Variants in XCL1 observed in about 807,000 individuals in gnomAD.
The protein encoded by XCL1 is X-C motif chemokine ligand 1.
In XCL1, 6 loss-of-function variants were observed where a neutral mutation model predicts 7.4. The observed-to-expected ratio is 0.82, with a 90% CI of 0.45 to 1.61. The LOEUF (loss-of-function observed/expected upper bound fraction) is 1.61, where lower values mean the gene tolerates loss of function less well. Ranked by LOEUF, XCL1 falls within the 40% of genes most tolerant of loss-of-function variation. The pLI is 0.01. For synonymous variants in XCL1, 48 were observed against 52.4 expected, an observed-to-expected ratio of 0.92 and a Z score of 0.36; for missense variants, 122 against 138.2, an observed-to-expected ratio of 0.88 and a Z score of 0.59.
chr1:168,580,842 A>G (rs1463516270), intron 2 of XCL1, among the ~76,000 whole-genome samples: 1 of 152,148 alleles, frequency 6.6e-6, no homozygotes, highest in Admixed American at 6.6e-5. Flanking sequence ...ATTGTGAACA[A>G]AGGGGCTGGA....
At chr1:168,577,947 C>G (rs1208776327) in intron 1 of XCL1, among the ~76,000 whole-genome samples, 1 of 152,108 alleles carries the variant, frequency 6.6e-6, no homozygotes, top group Non-Finnish European at 1.5e-5. Context: ...AATTTTGCAA[C>G]CTGAGTGAAG....
At chr1:168,578,246 A>G (rs2101835738) in intron 1 of XCL1, among the ~76,000 whole-genome samples, 1 of 152,312 alleles carries the variant, frequency 6.6e-6, no homozygotes, top group East Asian at 1.9e-4. Flanking sequence ...AAAGCACACA[A>G]TGAACACTCT....
At chr1:168,577,045 A>G (rs903797265) in intron 1 of XCL1, among the ~76,000 whole-genome samples, 7 of 152,244 alleles carry the variant, frequency 4.6e-5, no homozygotes, top group Non-Finnish European at 1.0e-4. Context: ...TTATTTAATA[A>G]CATCAGATTT....
At position 168,581,214 on chromosome 1, in the gene XCL1, TG is replaced by T; in HGVS notation, c.341del (p.Gly114AlafsTer35). 1.2e-6 allele frequency: 2 copies of T among 1,613,498 alleles called. No individual in the cohort carries two copies. Among genetic ancestry groups the T allele is most frequent in the Non-Finnish European group, 1.7e-6 (2 of 1,179,600 alleles). ...QSTNTAVTLT[G>X] ...CGACCAATACAGCTGTGACTCTGAC[TG>T]GCTAGTAGTCTCTGGCACCCTGTCC... is the stretch of plus-strand genomic sequence containing the variant. On this transcript the variant is annotated frameshift_variant, in exon 3 of 3. Coordinates refer to ENST00000367818, the MANE Select transcript of XCL1 (RefSeq NM_002995.3). LOFTEE classifies it high-confidence loss of function.
chr1:168,579,583 A>T (rs1305128323), intron 1 of XCL1: 3 of 178,204 alleles, frequency 1.7e-5, no homozygotes, highest in African/African-American at 2.4e-5. Context: ...CATCTCACTT[A>T]TGGTACTGTA....
intron 1 of XCL1, 44 bp from the exon 2 acceptor site, chr1:168,580,019 A>G (rs771710020): frequency 6.3e-7 from 1 of 1,579,260 alleles, no homozygotes; most frequent in Non-Finnish European, 8.7e-7. Context: ...GATCTGGATA[A>G]TTGCTTTATT....
intron 1 of XCL1, among the ~76,000 whole-genome samples, chr1:168,577,615 G>T (rs1264737838): frequency 2.0e-5 from 3 of 152,138 alleles, no homozygotes; most frequent in Non-Finnish European, 4.4e-5. Flanking sequence ...GGTCCCCAAG[G>T]GGTTCCATGA....
rs1655129641 is a variant in XCL1 at position 168,580,235 on chromosome 1, C to T, written c.176+58C>T. 10 of 1,574,998 alleles carry T rather than the reference C, an allele frequency of 6.3e-6. No homozygotes were observed. In the Admixed American group the frequency reaches 1.4e-4, roughly 22 times the overall value. On this transcript the variant is annotated intron_variant, in intron 2 of 2. Coordinates refer to ENST00000367818, the MANE Select transcript of XCL1 (RefSeq NM_002995.3). ...GGGTATCTAGAAGTATAGAAATACA[C>T]TCTGTAGAAATGCTGCCGTCCTCAG...
At chr1:168,580,263 A>G (rs1289987852) in intron 2 of XCL1, 86 bp downstream of exon 2, 31 of 1,454,464 alleles carry the variant, frequency 2.1e-5, no homozygotes, top group Non-Finnish European at 2.7e-5. Context: ...GTCCTCAGGA[A>G]AAGTAGGTCA....
At position 168,579,918 on chromosome 1, in the gene XCL1, G is replaced by A. The variant is rs1401196186; in HGVS notation, c.62-145G>A. 8 of 629,826 alleles carry A rather than the reference G, an allele frequency of 1.3e-5. No individual in the cohort carries two copies. The South Asian group carries it at 2.2e-4, about 17-fold the overall frequency. The allele number at this position is 629,826 out of a possible 1,614,324, so 39.0% of individuals were successfully genotyped here. On this transcript the variant is annotated intron_variant, in intron 1 of 2. Transcript: ENST00000367818. Reference sequence around the variant, plus strand: ...AATCTGTGACGGGCAAGAGATTCGGGATGCCTATCAGTCCTCTCTTCCCCC... The same window carrying A: ...AATCTGTGACGGGCAAGAGATTCGGAATGCCTATCAGTCCTCTCTTCCCCC...
intron 1 of XCL1, chr1:168,579,151 C>G: frequency 7.5e-6 from 3 of 400,004 alleles, no homozygotes; most frequent in Admixed American, 6.4e-5. Flanking sequence ...GCTTAAGTGG[C>G]TGAGTAGCTG....
At chr1:168,578,379 C>T (rs1289511271) in intron 1 of XCL1, among the ~76,000 whole-genome samples, 1 of 152,158 alleles carries the variant, frequency 6.6e-6, no homozygotes, top group Admixed American at 6.6e-5. Flanking sequence ...GAAGCAAAGA[C>T]CAGTGTCTAC....
chr1:168,577,582 T>C (rs540017621), intron 1 of XCL1, among the ~76,000 whole-genome samples: 7 of 152,174 alleles, frequency 4.6e-5, no homozygotes, highest in Non-Finnish European at 7.4e-5. Flanking sequence ...TTACTTAGAC[T>C]ATGATATTAT....
chr1:168,577,967 T>TA (rs1655064515), intron 1 of XCL1, among the ~76,000 whole-genome samples: 2 of 152,170 alleles, frequency 1.3e-5, no homozygotes, highest in Admixed American at 1.3e-4. Flanking sequence ...GGTGATATTT[T>TA]AAAAAATAAC....
intron 1 of XCL1, chr1:168,579,336 C>G (rs4656157): frequency 0.54 from 113,514 of 209,668 alleles, 30,865 homozygotes; most frequent in Middle Eastern, 0.62. Context: ...AACTCTTAGG[C>G]CTTTTCTCAC....
chr1:168,580,996 G>T (rs1423864348), intron 2 of XCL1, 56 bp from the exon 3 acceptor site: 196 of 1,594,254 alleles, frequency 1.2e-4, no homozygotes, highest in Non-Finnish European at 1.6e-4. Flanking sequence ...CTTAACTCCT[G>T]ACCCTGAGGC....
At chr1:168,580,561 C>T in intron 2 of XCL1, among the ~76,000 whole-genome samples, 1 of 152,042 alleles carries the variant, frequency 6.6e-6, no homozygotes, top group Admixed American at 6.6e-5. Context: ...TTATCAGTTG[C>T]CATATTTCAA....
chr1:168,577,719 A>C (rs887963485), intron 1 of XCL1, among the ~76,000 whole-genome samples: 1 of 152,204 alleles, frequency 6.6e-6, no homozygotes, highest in African/African-American at 2.4e-5. Context: ...ATTAGGCCAC[A>C]TGTTGCTACC....
Position 168,581,796 on chromosome 1 carries a change from A to T in XCL1, c.*576A>T, listed in dbSNP as rs1655178644. On this transcript the variant is annotated 3_prime_UTR_variant, in exon 3 of 3. Coordinates refer to ENST00000367818, the MANE Select transcript of XCL1 (RefSeq NM_002995.3). The stretch of plus-strand genomic sequence containing the variant: ...TTTGGTGTCCTATTAAAGGAATAAA[A>T]TGACACAACTTGTCCCTTTTTTGTC... The T allele has an allele frequency of 6.6e-6, 1 of 152,230 alleles. No individual in the cohort carries two copies. Among genetic ancestry groups the T allele is most frequent in the Admixed American group, 6.5e-5 (1 of 15,280 alleles). 9.4% of individuals were successfully genotyped at this position (152,230 alleles called of 1,614,324 possible). A position where few individuals can be genotyped will look rare whatever the true frequency, so the allele number is the denominator to read the frequency against.
Sources: allele counts gnomAD v4.1 joint callset (sites outside exome capture counted in the v4.1 genomes callset), GRCh38; gene constraint gnomAD v4.1.1; transcripts MANE v1.5; gene names NCBI Gene and HGNC (gene_info 2026-07-23, HGNC 2026-07-21).